NKTR: variants seen among roughly 807,000 people sequenced by gnomAD.
NKTR encodes the protein NK-tumor recognition protein.
A neutral mutation model predicts 156.3 loss-of-function variants in NKTR; 67 were observed. That is an observed-to-expected ratio of 0.43 (90% CI 0.35 to 0.53). The LOEUF (loss-of-function observed/expected upper bound fraction) is 0.53, where lower values mean the gene tolerates loss of function less well. NKTR is among the 20% of genes least tolerant of loss of function. The pLI is 0.01. For missense variants in NKTR, 1,604 were observed against 1,730.9 expected (o/e 0.93, Z 1.30); for synonymous variants, 640 against 596.6 (o/e 1.07, Z -1.06).
chr3:42,643,331 A>G lies in NKTR; in HGVS notation c.4143-8A>G. The G allele has an allele frequency of 6.2e-7, 1 of 1,613,140 alleles. No homozygotes were observed. The highest frequency in any genetic ancestry group is 8.5e-7 in the Non-Finnish European group (1 of 1,179,104). ...TAAGATGATGGTCCTTCATGTGATTAATATTAGGACGTCCAGCAGGAGCAG... is the reference window on the plus strand; with the variant it reads ...TAAGATGATGGTCCTTCATGTGATTGATATTAGGACGTCCAGCAGGAGCAG... On this transcript the variant is annotated splice_region_variant and splice_polypyrimidine_tract_variant and intron_variant, in intron 14 of 16. Coordinates refer to ENST00000232978, the MANE Select transcript of NKTR (RefSeq NM_005385.4).
intron 2 of NKTR, among the ~76,000 whole-genome samples, chr3:42,608,754 G>C (rs1706484409): frequency 1.3e-5 from 2 of 152,188 alleles, no homozygotes; most frequent in Non-Finnish European, 2.9e-5. Flanking sequence ...GAAGCTATCT[G>C]GGGGTCTGCC....
chr3:42,641,267 G>A (rs78482854), intron 13 of NKTR, among the ~76,000 whole-genome samples: 350 of 152,284 alleles, frequency 2.3e-3, no homozygotes, highest in African/African-American at 8.2e-3. Context: ...TTGAATAAAT[G>A]ACTACAATCT....
At chr3:42,631,376 G>C in intron 8 of NKTR, 60 bp downstream of exon 8, 1 of 1,579,690 alleles carries the variant, frequency 6.3e-7, no homozygotes, top group Non-Finnish European at 8.6e-7. Context: ...GCTGAAGACT[G>C]TAACTAGATT....
intron 2 of NKTR, chr3:42,602,903 G>C (rs114333086): frequency 2.0e-5 from 3 of 151,502 alleles, no homozygotes; most frequent in Admixed American, 1.3e-4. Context: ...GTTTTTGCCT[G>C]TAGTCCCAGC....
intron 9 of NKTR, chr3:42,633,184 C>A: frequency 2.4e-6 from 1 of 409,040 alleles, no homozygotes; most frequent in Middle Eastern, 1.0e-3. Context: ...GGACTACGGG[C>A]GTATACCACT....
intron 10 of NKTR, 48 bp from the exon 11 acceptor site, chr3:42,634,565 T>C (rs1406135978): frequency 9.3e-7 from 1 of 1,077,464 alleles, no homozygotes. Flanking sequence ...TTAAAAATTC[T>C]AGCTTCTTTG....
chr3:42,627,232 T>C (rs757210260), intron 6 of NKTR: 13 of 985,574 alleles, frequency 1.3e-5, no homozygotes, highest in Non-Finnish European at 1.6e-5. Flanking sequence ...CCAAAGGTAA[T>C]GTCTCATTAC....
At chr3:42,620,358 T>A in intron 5 of NKTR, 2 of 1,093,054 alleles carry the variant, frequency 1.8e-6, no homozygotes, top group Non-Finnish European at 2.2e-6. Context: ...GAACTATGAC[T>A]GTGTTTATTC....
Position 42,639,109 on chromosome 3 carries a change from TAGG to T in NKTR, c.3408_3410del (p.Arg1136del). 6.2e-7 allele frequency: 1 copy of T among 1,614,138 alleles called. No homozygotes were observed. The highest frequency in any genetic ancestry group is 1.1e-5 in the South Asian group (1 of 91,078). On this transcript the variant is annotated inframe_deletion, in exon 13 of 17. Transcript: ENST00000232978. Reference sequence around the variant, plus strand: ...ACAACATGGAGATCTGCACTCCTGATAGGAGTTCCCCAGCAAAAGTAGAGGAGA... The same window carrying T: ...ACAACATGGAGATCTGCACTCCTGATAGTTCCCCAGCAAAAGTAGAGGAGA...
At chr3:42,616,980 T>C (rs1707431862) in intron 2 of NKTR, among the ~76,000 whole-genome samples, 1 of 152,050 alleles carries the variant, frequency 6.6e-6, no homozygotes, top group South Asian at 2.1e-4. Context: ...GGTCTCAAAC[T>C]CCTGACCTCA....
rs1707502560 is a variant in NKTR, at chr3:42,617,654, T to G, written c.133+10T>G. On this transcript the variant is annotated intron_variant, in intron 3 of 16. Transcript: ENST00000232978. Reference sequence around the variant, plus strand: ...CTTTGCTTGTGCTCAGGTAAGTGAATTATTATTTCCAATGAGAAGCTGTGG... The same window carrying G: ...CTTTGCTTGTGCTCAGGTAAGTGAAGTATTATTTCCAATGAGAAGCTGTGG... The G allele has an allele frequency of 6.7e-7, 1 of 1,482,600 alleles. No homozygotes were observed. The highest frequency in any genetic ancestry group is 1.4e-5 in the African/African-American group (1 of 72,366). 91.8% of individuals were successfully genotyped at this position (1,482,600 alleles called of 1,614,324 possible).
At chr3:42,635,427 T>G in intron 12 of NKTR, 61 bp downstream of exon 12, 1 of 1,321,222 alleles carries the variant, frequency 7.6e-7, no homozygotes. Flanking sequence ...TTAAAGGGAT[T>G]GGATACAATT....
At chr3:42,617,141 A>C (rs1338950809) in intron 2 of NKTR, among the ~76,000 whole-genome samples, 3 of 152,190 alleles carry the variant, frequency 2.0e-5, no homozygotes, top group Admixed American at 2.0e-4. Flanking sequence ...AGCTGAAAAT[A>C]AAGAGACAGA....
At chr3:42,613,436 T>G (rs1001300949) in intron 2 of NKTR, among the ~76,000 whole-genome samples, 2 of 152,230 alleles carry the variant, frequency 1.3e-5, no homozygotes, top group Non-Finnish European at 2.9e-5. Context: ...TAACCTTTGC[T>G]CTTTTCCTCA....
At chr3:42,644,449 TATA>T (rs1294947939) in intron 16 of NKTR, among the ~76,000 whole-genome samples, 2 of 152,230 alleles carry the variant, frequency 1.3e-5, no homozygotes, top group African/African-American at 2.4e-5. Flanking sequence ...TTTTATGTAT[TATA>T]TGTATTATGT....
At position 42,639,142 on chromosome 3, in the gene NKTR, C is replaced by T. The variant is rs369379770; in HGVS notation, c.3438C>T (p.Ser1146=). The change falls in exon 13 of 17, where the codon TCC becomes TCT. Residue 1146 remains serine, a synonymous_variant. Transcript: ENST00000232978. ...CCCCAGCAAAAGTAGAGGAGACTTC[C>T]CCTCTAGGAAATGCACGGCTTGATA... ...RSSPAKVEET[S]PLGNARLDTP... 6.2e-7 allele frequency: 1 copy of T among 1,613,640 alleles called. No homozygotes were observed. Among genetic ancestry groups the T allele is most frequent in the Non-Finnish European group, 8.5e-7 (1 of 1,179,608 alleles).
Position 42,639,184 on chromosome 3 carries a change from T to A in NKTR, c.3480T>A (p.Ile1160=), listed in dbSNP as rs749192703. The A allele has an allele frequency of 6.2e-7, 1 of 1,614,108 alleles. No homozygotes were observed. The highest frequency in any genetic ancestry group is 1.1e-5 in the South Asian group (1 of 91,084). Residue 1160 remains isoleucine, a synonymous_variant, in exon 13 of 17, where the codon ATT becomes ATA. Transcript: ENST00000232978. ...NARLDTPDIN[I]VLKQDMATEH... ...GGCTTGATACCCCAGATATAAACAT[T>A]GTTTTGAAGCAGGATATGGCAACGG...
chr3:42,631,247 G>T lies in NKTR; in HGVS notation c.481G>T (p.Ala161Ser), dbSNP rs1354761344. The change falls in exon 8 of 17, where the codon GCA becomes TCA. Residue 161 changes from alanine to serine, a missense_variant. Physicochemically the swap from Ala to Ser is moderately conservative, Grantham distance 99 (BLOSUM62 1). This residue lies in a region of NKTR where 61 missense variants were observed against 113.3 expected (regional missense o/e 0.54). Coordinates refer to ENST00000232978, the MANE Select transcript of NKTR (RefSeq NM_005385.4). ...EQIENLKTDAASRPYADVRVI... is the reference protein window; with the variant it reads ...EQIENLKTDASSRPYADVRVI... ...AATTGAAAATCTGAAGACCGATGCT[G>T]CAAGCAGACCATATGCAGATGTGCG... 1 of 1,613,954 alleles carries T rather than the reference G, an allele frequency of 6.2e-7. No homozygotes were observed. The highest frequency in any genetic ancestry group is 8.5e-7 in the Non-Finnish European group (1 of 1,179,996).
intron 9 of NKTR, chr3:42,633,220 T>G (rs528582485): frequency 4.1e-6 from 2 of 484,078 alleles, no homozygotes; most frequent in South Asian, 1.2e-4. Flanking sequence ...TTAAATTTTT[T>G]GTAGAGACAG....
Sources: allele counts gnomAD v4.1 joint callset (sites outside exome capture counted in the v4.1 genomes callset), GRCh38; gene constraint gnomAD v4.1.1; regional missense constraint gnomAD v4.1.1; transcripts MANE v1.5; gene names NCBI Gene and HGNC (gene_info 2026-07-23, HGNC 2026-07-21).